ST8SIA5: variants seen among roughly 807,000 people sequenced by gnomAD.
ST8SIA5 encodes the protein ST8 alpha-N-acetyl-neuraminide alpha-2,8-sialyltransferase 5.
ST8SIA5 carries 24 observed loss-of-function variants against 40.2 expected under a neutral mutation model. The ratio of observed to expected loss-of-function variants is 0.60; its 90% CI spans 0.43 to 0.84. ST8SIA5 has a LOEUF of 0.84. ST8SIA5 is among the 40% of genes least tolerant of loss of function. ST8SIA5 has a pLI of 0.00. For synonymous variants in ST8SIA5, 198 were observed against 201.8 expected (o/e 0.98, Z 0.16); for missense variants, 465 against 498.5 (o/e 0.93, Z 0.64).
rs960090461 is a variant in ST8SIA5 at position 46,740,166 on chromosome 18, C to A, written c.131+16212G>T. 5.3e-5 allele frequency among the ~76,000 whole-genome samples: 8 copies of A among 152,176 alleles called. No individual in the cohort carries two copies. The South Asian group carries it at 1.5e-3, about 28-fold the overall frequency. On this transcript the variant is annotated intron_variant, in intron 1 of 6. Transcript: ENST00000315087. ...TAACAATTAAAATGTCTTTTAATTG[C>A]CTTATTAAATTGATGAATAGTCTGG...
intron 1 of ST8SIA5, among the ~76,000 whole-genome samples, chr18:46,719,559 C>T (rs1444905384): frequency 6.6e-6 from 1 of 152,136 alleles, no homozygotes; most frequent in African/African-American, 2.4e-5. Context: ...AGGAATGGAG[C>T]CCATGCAATG....
chr18:46,680,565 C>G (rs1160560710), intron 6 of ST8SIA5, 55 bp from the exon 7 acceptor site: 22 of 1,486,946 alleles, frequency 1.5e-5, no homozygotes, highest in Non-Finnish European at 1.7e-5. Context: ...CCTCAGGCCC[C>G]TCGCTTCCCC....
chr18:46,684,320 G>C (rs1401903103), intron 5 of ST8SIA5, among the ~76,000 whole-genome samples: 1 of 152,078 alleles, frequency 6.6e-6, no homozygotes, highest in Non-Finnish European at 1.5e-5. Context: ...CCCTAGCAAG[G>C]AATATCATCC....
At chr18:46,691,136 G>C (rs328120) in intron 3 of ST8SIA5, among the ~76,000 whole-genome samples, 32,902 of 152,142 alleles carry the variant, frequency 0.22, 4,074 homozygotes, top group Middle Eastern at 0.29. Flanking sequence ...CTTTGCTCAA[G>C]CTCATGTTCT....
In ST8SIA5 at chr18:46,686,208, C is replaced by T. The variant is rs547110290; in HGVS notation, c.535G>A (p.Gly179Arg). 5.0e-6 allele frequency: 8 copies of T among 1,614,154 alleles called. No homozygotes were observed. In the Admixed American group the frequency reaches 5.0e-5, roughly 10 times the overall value. Residue 179 changes from glycine to arginine, a missense_variant, in exon 5 of 7, where the codon GGG becomes AGG. Transcript: ENST00000315087. ...AAGTCGGCGCTGTTGATCTCCCTCC[C>T]GCAGCGGCTGTTCTTCAAGATGCCT... is the stretch of plus-strand genomic sequence containing the variant. ...NGGILKNSRC[G>R]REINSADFVF...
rs192761864 is a variant in ST8SIA5 at position 46,756,284 on chromosome 18, C to A, written c.131+94G>T. The A allele has an allele frequency of 7.1e-5, 109 of 1,539,302 alleles. No homozygotes were observed. The East Asian group carries it at 2.5e-3, about 35-fold the overall frequency. On this transcript the variant is annotated intron_variant, in intron 1 of 6. Transcript: ENST00000315087. ...GGAGCGGACCCCACGGCCACTCACC[C>A]CGGGGCGCTGCGACCGAAGCTGCCG...
intron 1 of ST8SIA5, among the ~76,000 whole-genome samples, chr18:46,751,944 C>G (rs1033327515): frequency 1.3e-5 from 2 of 152,148 alleles, no homozygotes; most frequent in African/African-American, 4.8e-5. Flanking sequence ...TAGCTCCACG[C>G]ACGAGGATCC....
rs200812927 is a variant in ST8SIA5 at position 46,672,619 on chromosome 18, A to C, written c.*7423T>G. The C allele has an allele frequency of 9.5e-5, 1 of 10,502 alleles. No homozygotes were observed. The highest frequency in any genetic ancestry group is 2.5e-4 in the Non-Finnish European group (1 of 3,932). 0.7% of individuals were successfully genotyped at this position (10,502 alleles called of 1,614,324 possible). On this transcript the variant is annotated 3_prime_UTR_variant, in exon 7 of 7. Coordinates refer to ENST00000315087, the MANE Select transcript of ST8SIA5 (RefSeq NM_013305.6). The stretch of plus-strand genomic sequence containing the variant: ...GCTTTTGGTTTTTTTCCTTTGAAAT[A>C]AAAAAAAAAAAAAAGAAAGGTTCTC...
intron 2 of ST8SIA5, among the ~76,000 whole-genome samples, chr18:46,699,839 G>A (rs1303599150): frequency 1.3e-5 from 2 of 152,356 alleles, no homozygotes; most frequent in Admixed American, 6.5e-5. Context: ...CCACCTGGCA[G>A]AGGACAGAGA....
intron 1 of ST8SIA5, among the ~76,000 whole-genome samples, chr18:46,710,101 G>C (rs2039707791): frequency 6.6e-6 from 1 of 152,174 alleles, no homozygotes; most frequent in South Asian, 2.1e-4. Flanking sequence ...GGTATAAATA[G>C]TCCCAGCGGG....
intron 1 of ST8SIA5, among the ~76,000 whole-genome samples, chr18:46,706,033 T>C (rs916679696): frequency 6.6e-6 from 1 of 152,156 alleles, no homozygotes; most frequent in Non-Finnish European, 1.5e-5. Context: ...TTATTATTAT[T>C]ATCATTGTAT....
chr18:46,743,938 C>T (rs1171831626), intron 1 of ST8SIA5, among the ~76,000 whole-genome samples: 1 of 152,182 alleles, frequency 6.6e-6, no homozygotes, highest in Non-Finnish European at 1.5e-5. Flanking sequence ...GAATTTTCAA[C>T]CCAGAATTTC....
chr18:46,696,214 C>T (rs1346602405), intron 2 of ST8SIA5, among the ~76,000 whole-genome samples: 1 of 152,118 alleles, frequency 6.6e-6, no homozygotes, highest in Non-Finnish European at 1.5e-5. Flanking sequence ...AGAAGGCAAA[C>T]CTTCCTTCCA....
At chr18:46,703,538 G>A (rs1230527962) in intron 2 of ST8SIA5, among the ~76,000 whole-genome samples, 3 of 152,130 alleles carry the variant, frequency 2.0e-5, no homozygotes, top group African/African-American at 7.2e-5. Flanking sequence ...AAGGCCCAGA[G>A]TCAGCTTTAG....
intron 1 of ST8SIA5, among the ~76,000 whole-genome samples, chr18:46,705,475 G>C (rs1201834827): frequency 6.6e-6 from 1 of 152,260 alleles, no homozygotes; most frequent in Non-Finnish European, 1.5e-5. Flanking sequence ...ATTGACACAA[G>C]CATCCTGAAC....
chr18:46,722,278 GC>G (rs534975153), intron 1 of ST8SIA5, among the ~76,000 whole-genome samples: 152 of 152,250 alleles, frequency 1.0e-3, no homozygotes, highest in Admixed American at 2.2e-3. Flanking sequence ...CCCATACCAG[GC>G]CCTCTTCCCA....
chr18:46,729,832 A>G (rs1228763880), intron 1 of ST8SIA5, among the ~76,000 whole-genome samples: 1 of 149,572 alleles, frequency 6.7e-6, no homozygotes, highest in Non-Finnish European at 1.5e-5. Context: ...TTTAACTGTT[A>G]TTTGGGAAAT....
chr18:46,702,379 C>T (rs762499054), intron 2 of ST8SIA5, among the ~76,000 whole-genome samples: 1 of 152,166 alleles, frequency 6.6e-6, no homozygotes, highest in Admixed American at 6.5e-5. Context: ...GCTCACATGC[C>T]CCAGGCCCTG....
At chr18:46,714,977 C>T (rs2039772419) in intron 1 of ST8SIA5, among the ~76,000 whole-genome samples, 2 of 152,192 alleles carry the variant, frequency 1.3e-5, no homozygotes, top group African/African-American at 4.8e-5. Context: ...GTGCCAACAA[C>T]TCCACTTCCA....
Sources: allele counts gnomAD v4.1 joint callset (sites outside exome capture counted in the v4.1 genomes callset), GRCh38; gene constraint gnomAD v4.1.1; transcripts MANE v1.5; gene names NCBI Gene and HGNC (gene_info 2026-07-23, HGNC 2026-07-21).